NKAIN3: variants seen among roughly 807,000 people sequenced by gnomAD.
The protein encoded by NKAIN3 is sodium/potassium transporting ATPase interacting 3.
In NKAIN3, 25 loss-of-function variants were observed where a neutral mutation model predicts 30.2. The observed-to-expected ratio is 0.83, with a 90% CI of 0.60 to 1.16. NKAIN3 has a LOEUF of 1.16. NKAIN3 is among the 50% of genes most tolerant of loss of function. The probability of loss-of-function intolerance (pLI) is 0.00; values close to 1 mark genes in which losing one functional copy is unlikely to be tolerated. For missense variants in NKAIN3, 225 were observed against 254.1 expected (o/e 0.89, Z 0.78); for synonymous variants, 91 against 89.6 (o/e 1.02, Z -0.09).
At chr8:62,303,888 T>C (rs1814135411) in intron 1 of NKAIN3, among the ~76,000 whole-genome samples, 2 of 150,608 alleles carry the variant, frequency 1.3e-5, no homozygotes, top group Non-Finnish European at 2.9e-5. Flanking sequence ...GTTGTTACAG[T>C]ACTATAAGTT....
At chr8:62,790,640 A>T (rs1468086108) in intron 4 of NKAIN3, among the ~76,000 whole-genome samples, 1 of 151,784 alleles carries the variant, frequency 6.6e-6, no homozygotes, top group South Asian at 2.1e-4. Flanking sequence ...AAAGGAAAAT[A>T]ATTATTCTCT....
chr8:62,753,448 T>C (rs1180729119), intron 4 of NKAIN3, among the ~76,000 whole-genome samples: 1 of 152,134 alleles, frequency 6.6e-6, no homozygotes, highest in Non-Finnish European at 1.5e-5. Context: ...AGGGTCATTA[T>C]TCATAATACA....
intron 3 of NKAIN3, among the ~76,000 whole-genome samples, chr8:62,744,079 T>C (rs890170171): frequency 2.0e-5 from 3 of 152,126 alleles, no homozygotes; most frequent in African/African-American, 7.2e-5. Flanking sequence ...AATACTAATT[T>C]CTATGGCCTG....
chr8:62,506,365 C>T (rs553985504), intron 1 of NKAIN3, among the ~76,000 whole-genome samples: 3 of 152,128 alleles, frequency 2.0e-5, no homozygotes, highest in Admixed American at 1.3e-4. Context: ...CGTAAAACAA[C>T]AGCAACAAAG....
intron 3 of NKAIN3, among the ~76,000 whole-genome samples, chr8:62,616,657 T>C (rs1811464087): frequency 6.6e-6 from 1 of 152,144 alleles, no homozygotes; most frequent in African/African-American, 2.4e-5. Flanking sequence ...GCATGCTTGA[T>C]TAAATCATCG....
intron 4 of NKAIN3, among the ~76,000 whole-genome samples, chr8:62,912,366 A>G (rs1383951330): frequency 6.6e-6 from 1 of 152,162 alleles, no homozygotes; most frequent in Non-Finnish European, 1.5e-5. Flanking sequence ...GACTATAAAC[A>G]CTGTACACTT....
intron 4 of NKAIN3, among the ~76,000 whole-genome samples, chr8:62,876,050 T>C (rs1367937385): frequency 6.6e-6 from 1 of 151,994 alleles, no homozygotes; most frequent in East Asian, 1.9e-4. Context: ...AACCTACAGA[T>C]TGGGAGAAAA....
intron 1 of NKAIN3, among the ~76,000 whole-genome samples, chr8:62,368,679 A>C (rs1816811991): frequency 6.6e-6 from 1 of 152,218 alleles, no homozygotes; most frequent in Admixed American, 6.5e-5. Flanking sequence ...ACACACACAC[A>C]TAAGTCTTGT....
Position 62,967,523 on chromosome 8 carries a change from A to G in NKAIN3, c.*2116A>G, listed in dbSNP as rs1027681912. Reference sequence around the variant, plus strand: ...AGCTCTTGCTTTCCACTCAAGCGCTATGAAGAGCCCACAGAAACAACAAAC... The same window carrying G: ...AGCTCTTGCTTTCCACTCAAGCGCTGTGAAGAGCCCACAGAAACAACAAAC... On this transcript the variant is annotated 3_prime_UTR_variant, in exon 7 of 7. Transcript: ENST00000623646. Among the ~76,000 whole-genome samples, 6 of 152,118 alleles carry G rather than the reference A, an allele frequency of 3.9e-5. No individual in the cohort carries two copies. The highest frequency in any genetic ancestry group is 9.7e-5 in the African/African-American group (4 of 41,372).
At chr8:62,625,393 A>T (rs1472079270) in intron 3 of NKAIN3, among the ~76,000 whole-genome samples, 2 of 152,122 alleles carry the variant, frequency 1.3e-5, no homozygotes, top group Non-Finnish European at 2.9e-5. Flanking sequence ...TGGCTAATTA[A>T]TGGAGAAACC....
intron 1 of NKAIN3, among the ~76,000 whole-genome samples, chr8:62,492,659 C>T (rs1212639214): frequency 6.6e-6 from 1 of 152,134 alleles, no homozygotes; most frequent in Non-Finnish European, 1.5e-5. Flanking sequence ...GTCAGCAATA[C>T]AATTTTCTAC....
intron 3 of NKAIN3, among the ~76,000 whole-genome samples, chr8:62,639,563 T>G (rs1812242015): frequency 6.6e-6 from 1 of 152,184 alleles, no homozygotes; most frequent in Admixed American, 6.5e-5. Flanking sequence ...GTTTCTTATT[T>G]GTATTATGTA....
chr8:62,818,523 T>C (rs1818756403), intron 4 of NKAIN3, among the ~76,000 whole-genome samples: 1 of 152,076 alleles, frequency 6.6e-6, no homozygotes, highest in African/African-American at 2.4e-5. Context: ...AACTTTTTTT[T>C]CCCAGTGTGA....
chr8:62,512,650 AAC>A (rs1292548873), intron 1 of NKAIN3, among the ~76,000 whole-genome samples: 2 of 152,146 alleles, frequency 1.3e-5, no homozygotes, highest in Non-Finnish European at 2.9e-5. Context: ...AGGCACATTG[AAC>A]ACTTTCATGG....
chr8:62,658,105 G>A (rs1812819498), intron 3 of NKAIN3, among the ~76,000 whole-genome samples: 1 of 152,146 alleles, frequency 6.6e-6, no homozygotes, highest in African/African-American at 2.4e-5. Flanking sequence ...CTTATGTTTG[G>A]CTTTGGAATT....
intron 1 of NKAIN3, among the ~76,000 whole-genome samples, chr8:62,561,627 G>A (rs948264011): frequency 6.6e-6 from 1 of 152,098 alleles, no homozygotes; most frequent in Admixed American, 6.6e-5. Flanking sequence ...TCTTCATTGT[G>A]GTAGGTGTTT....
At chr8:62,630,166 C>A (rs1811911103) in intron 3 of NKAIN3, among the ~76,000 whole-genome samples, 1 of 151,936 alleles carries the variant, frequency 6.6e-6, no homozygotes, top group Non-Finnish European at 1.5e-5. Context: ...GTAGGAAAAA[C>A]AGAGTACATA....
chr8:62,738,598 C>T, intron 3 of NKAIN3, among the ~76,000 whole-genome samples: 1 of 77,978 alleles, frequency 1.3e-5, no homozygotes. Context: ...GATACTCCAT[C>T]TCCAAAAAAA....
intron 4 of NKAIN3, among the ~76,000 whole-genome samples, chr8:62,877,299 T>G (rs1219191413): frequency 6.6e-6 from 1 of 152,166 alleles, no homozygotes; most frequent in Non-Finnish European, 1.5e-5. Context: ...CCCAATAAGG[T>G]GTTCTCAGCA....
Sources: gnomAD v4.1 joint callset for allele counts (sites outside exome capture counted in the v4.1 genomes callset) on GRCh38, gnomAD v4.1.1 for gene constraint, MANE v1.5 for transcripts, NCBI Gene and HGNC (gene_info 2026-07-23, HGNC 2026-07-21) for gene names.